The following ADAMTS6 variants were observed in gnomAD, a reference collection of about 807,000 sequenced individuals.
ADAMTS6 encodes ADAM metallopeptidase with thrombospondin type 1 motif 6.
In ADAMTS6, 23 loss-of-function variants were observed where a neutral mutation model predicts 144.3. The observed-to-expected ratio is 0.16, with a 90% CI of 0.11 to 0.23. ADAMTS6 has a LOEUF of 0.23. ADAMTS6 is among the 10% of genes least tolerant of loss of function. ADAMTS6 has a pLI of 1.00. For missense variants in ADAMTS6, 999 were observed against 1,379.6 expected (o/e 0.72, Z 4.37); for synonymous variants, 444 against 457.5 (o/e 0.97, Z 0.38).
At chr5:65,215,175 G>T in intron 19 of ADAMTS6, 149 bp downstream of exon 19, 1 of 1,043,436 alleles carries the variant, frequency 9.6e-7, no homozygotes, top group Non-Finnish European at 1.4e-6. Flanking sequence ...CCTTAACTCT[G>T]CACAGCTCTA....
chr5:65,167,209 T>C (rs1261091975), intron 24 of ADAMTS6, among the ~76,000 whole-genome samples: 28 of 150,070 alleles, frequency 1.9e-4, no homozygotes, highest in South Asian at 1.1e-3. Context: ...ATATCACCAC[T>C]GATCCCACAG....
At chr5:65,184,069 T>C (rs1469946382) in intron 22 of ADAMTS6, among the ~76,000 whole-genome samples, 1 of 152,226 alleles carries the variant, frequency 6.6e-6, no homozygotes, top group Non-Finnish European at 1.5e-5. Flanking sequence ...TTTTCCTCTT[T>C]ATTCATATAA....
chr5:65,302,320 T>C (rs1413946288), intron 9 of ADAMTS6, among the ~76,000 whole-genome samples: 1 of 145,164 alleles, frequency 6.9e-6, no homozygotes, highest in Non-Finnish European at 1.5e-5. Flanking sequence ...TATATACATA[T>C]ACATGTATAT....
intron 12 of ADAMTS6, among the ~76,000 whole-genome samples, chr5:65,267,461 T>G (rs1158178537): frequency 6.6e-6 from 1 of 152,112 alleles, no homozygotes; most frequent in Admixed American, 6.6e-5. Context: ...CTTTTCACAT[T>G]TCTTCTAAAT....
intron 24 of ADAMTS6, among the ~76,000 whole-genome samples, chr5:65,163,032 C>T (rs560436243): frequency 4.6e-5 from 7 of 152,218 alleles, no homozygotes; most frequent in Admixed American, 2.6e-4. Context: ...GCCTCAGCCT[C>T]CCAAGGAGCT....
chr5:65,170,132 T>C (rs1753525014), intron 24 of ADAMTS6, among the ~76,000 whole-genome samples: 1 of 152,250 alleles, frequency 6.6e-6, no homozygotes, highest in African/African-American at 2.4e-5. Flanking sequence ...TAATTATTTT[T>C]CTACTTTTCT....
chr5:65,466,290 C>T (rs971172084), intron 3 of ADAMTS6, among the ~76,000 whole-genome samples: 2 of 152,172 alleles, frequency 1.3e-5, no homozygotes, highest in Admixed American at 6.5e-5. Flanking sequence ...GCTACAGCCA[C>T]GTGACCTCCA....
chr5:65,395,152 G>A (rs1753232569), intron 7 of ADAMTS6, among the ~76,000 whole-genome samples: 1 of 152,110 alleles, frequency 6.6e-6, no homozygotes, highest in African/African-American at 2.4e-5. Flanking sequence ...GTGACACAGA[G>A]TCTGTGTGTG....
chr5:65,249,632 T>C (rs180901212), intron 14 of ADAMTS6, among the ~76,000 whole-genome samples: 140 of 152,336 alleles, frequency 9.2e-4, no homozygotes, highest in Non-Finnish European at 1.7e-3. Flanking sequence ...CTCAGTTGTA[T>C]TCTTTCTTCT....
intron 7 of ADAMTS6, among the ~76,000 whole-genome samples, chr5:65,381,321 C>T (rs1465918135): frequency 1.3e-5 from 2 of 151,008 alleles, no homozygotes; most frequent in Admixed American, 6.6e-5. Flanking sequence ...TGGCTATAAG[C>T]TTCTAGGTAA....
At chr5:65,447,645 T>A (rs1758374504) in intron 7 of ADAMTS6, among the ~76,000 whole-genome samples, 1 of 152,046 alleles carries the variant, frequency 6.6e-6, no homozygotes, top group Admixed American at 6.6e-5. Flanking sequence ...AGGTATATAA[T>A]GTCATATTTC....
chr5:65,309,030 G>A lies in ADAMTS6; in HGVS notation c.1224-8899C>T, dbSNP rs115990810. On this transcript the variant is annotated intron_variant, in intron 9 of 24. Coordinates refer to ENST00000381055, the MANE Select transcript of ADAMTS6 (RefSeq NM_197941.4). ...AAATCTGAATGGTGGACACATGGAT[G>A]TGTGATATAACAGTGGTCCCCATCC... 3.9e-5 allele frequency among the ~76,000 whole-genome samples: 6 copies of A among 151,942 alleles called. No homozygotes were observed. The East Asian group carries it at 1.2e-3, about 29-fold the overall frequency.
intron 3 of ADAMTS6, among the ~76,000 whole-genome samples, chr5:65,467,621 C>A (rs774130069): frequency 6.6e-6 from 1 of 152,118 alleles, no homozygotes; most frequent in Non-Finnish European, 1.5e-5. Flanking sequence ...CCCAGTACCA[C>A]CATCCATCAT....
Position 65,188,183 on chromosome 5 carries a change from A to G in ADAMTS6, c.2743T>C (p.Cys915Arg). 1 of 1,614,088 alleles carries G rather than the reference A, an allele frequency of 6.2e-7. No homozygotes were observed. The highest frequency in any genetic ancestry group is 8.5e-7 in the Non-Finnish European group (1 of 1,180,008). ...GCCCTTGTGCGCATCCCACCATCAC[A>G]AGTCTTGCTGCATTCCAACCAATCC... Reference protein sequence around the residue: ...IGDWLECSKTCDGGMRTRAVL... With the variant: ...IGDWLECSKTRDGGMRTRAVL... Residue 915 changes from cysteine (C) to arginine (R), a missense_variant, in exon 22 of 25, where the codon TGT becomes CGT. By Grantham distance (180) the Cys-to-Arg change is radical. Around this residue, in one of 3 missense-constraint regions of ADAMTS6, gnomAD observed 619 missense variants for 837.0 expected, o/e 0.74. Coordinates refer to ENST00000381055, the MANE Select transcript of ADAMTS6 (RefSeq NM_197941.4).
intron 7 of ADAMTS6, among the ~76,000 whole-genome samples, chr5:65,422,132 G>A: frequency 6.6e-6 from 1 of 152,038 alleles, no homozygotes; most frequent in African/African-American, 2.4e-5. Flanking sequence ...CCCATTAAAA[G>A]GTGGGCAAAT....
chr5:65,354,109 C>T (rs1749105690), intron 7 of ADAMTS6, among the ~76,000 whole-genome samples: 1 of 151,866 alleles, frequency 6.6e-6, no homozygotes. Context: ...TATGCCTACT[C>T]TTCTGTTGAT....
intron 22 of ADAMTS6, among the ~76,000 whole-genome samples, chr5:65,177,400 G>A (rs1399229773): frequency 1.3e-5 from 2 of 152,038 alleles, no homozygotes; most frequent in South Asian, 2.1e-4. Flanking sequence ...ATACCCTGTG[G>A]GGACCTGCCA....
At chr5:65,382,283 T>C (rs1752108760) in intron 7 of ADAMTS6, among the ~76,000 whole-genome samples, 1 of 152,220 alleles carries the variant, frequency 6.6e-6, no homozygotes, top group East Asian at 1.9e-4. Flanking sequence ...CTGATTAAGA[T>C]TTCTAATAAA....
intron 3 of ADAMTS6, among the ~76,000 whole-genome samples, chr5:65,461,656 C>T (rs1190886026): frequency 6.6e-6 from 1 of 152,184 alleles, no homozygotes; most frequent in Non-Finnish European, 1.5e-5. Context: ...TAAAACAGCA[C>T]TCTGGGGAGC....
Sources: gnomAD v4.1 joint callset for allele counts (sites outside exome capture counted in the v4.1 genomes callset) on GRCh38, gnomAD v4.1.1 for gene constraint, gnomAD v4.1.1 regional missense constraint, MANE v1.5 for transcripts, NCBI Gene and HGNC (gene_info 2026-07-23, HGNC 2026-07-21) for gene names.